Variants in ZCCHC24 observed in about 807,000 individuals in gnomAD.
The protein encoded by ZCCHC24 is zinc finger CCHC-type containing 24.
Under a neutral mutation model 26.2 loss-of-function variants are expected in ZCCHC24, and 10 were observed. That is an observed-to-expected ratio of 0.38 (90% CI 0.24 to 0.65). ZCCHC24 has a LOEUF of 0.65. ZCCHC24 is among the 30% of genes least tolerant of loss of function. The probability of loss-of-function intolerance (pLI) is 0.54; values close to 1 mark genes in which losing one functional copy is unlikely to be tolerated. For synonymous variants in ZCCHC24, 144 were observed against 147.1 expected, an observed-to-expected ratio of 0.98 and a Z score of 0.15; for missense variants, 243 against 329.1, an observed-to-expected ratio of 0.74 and a Z score of 2.03.
intron 2 of ZCCHC24, among the ~76,000 whole-genome samples, chr10:79,401,583 G>C (rs1856633348): frequency 6.6e-6 from 1 of 152,200 alleles, no homozygotes; most frequent in African/African-American, 2.4e-5. Flanking sequence ...GTGAGAAACG[G>C]GAAGGGGCCG....
At chr10:79,410,119 G>A (rs1417974402) in intron 2 of ZCCHC24, among the ~76,000 whole-genome samples, 1 of 152,176 alleles carries the variant, frequency 6.6e-6, no homozygotes, top group Non-Finnish European at 1.5e-5. Context: ...TGTTCCCTCT[G>A]CCAGGAATAC....
intron 1 of ZCCHC24, among the ~76,000 whole-genome samples, chr10:79,441,647 C>G (rs184992964): frequency 6.6e-6 from 1 of 152,188 alleles, no homozygotes; most frequent in Non-Finnish European, 1.5e-5. Flanking sequence ...GTTCTCAGGG[C>G]CTTTCCTGTG....
intron 3 of ZCCHC24, among the ~76,000 whole-genome samples, chr10:79,392,230 T>C (rs1365077377): frequency 3.3e-5 from 5 of 152,156 alleles, no homozygotes; most frequent in African/African-American, 4.8e-5. Flanking sequence ...CCAGGCGAGC[T>C]GTGCTGGAGC....
In ZCCHC24 at chr10:79,383,631, C is replaced by CTT. The variant is rs5786398; in HGVS notation, c.*2712_*2713dup. Reference sequence around the variant, plus strand: ...AATCAAACAATTATATTTTTCTTTTCTTTTTTTTTTTTTAAAAAAAGGCCC... The same window carrying CTT: ...AATCAAACAATTATATTTTTCTTTTCTTTTTTTTTTTTTTTAAAAAAAGGCCC... On this transcript the variant is annotated 3_prime_UTR_variant, in exon 4 of 4. Transcript: ENST00000372336. 228 of 144,364 alleles carry CTT rather than the reference C, an allele frequency of 1.6e-3. No homozygotes were observed. The highest frequency in any genetic ancestry group is 2.1e-3 in the Non-Finnish European group (140 of 65,720). The allele number at this position is 144,364 out of a possible 1,614,324, so 8.9% of individuals were successfully genotyped here. A position where few individuals can be genotyped will look rare whatever the true frequency, so the allele number is the denominator to read the frequency against.
chr10:79,425,750 G>A (rs12245588), intron 2 of ZCCHC24, among the ~76,000 whole-genome samples: 1,656 of 152,308 alleles, frequency 0.011, 27 homozygotes, highest in African/African-American at 0.038. Flanking sequence ...GCTAAACCCA[G>A]TGGTAAACTC....
intron 1 of ZCCHC24, among the ~76,000 whole-genome samples, chr10:79,442,142 T>C (rs1189851505): frequency 2.6e-5 from 4 of 152,202 alleles, no homozygotes; most frequent in Admixed American, 2.6e-4. Flanking sequence ...TCCAAAAATG[T>C]ATCGTTGTTG....
At chr10:79,409,871 G>A (rs972666175) in intron 2 of ZCCHC24, among the ~76,000 whole-genome samples, 20 of 152,214 alleles carry the variant, frequency 1.3e-4, no homozygotes, top group African/African-American at 3.1e-4. Context: ...GGGGGAGGAC[G>A]GGGGCTCTCA....
intron 2 of ZCCHC24, among the ~76,000 whole-genome samples, chr10:79,400,361 G>A (rs1040403021): frequency 2.6e-5 from 4 of 152,160 alleles, no homozygotes; most frequent in South Asian, 2.1e-4. Flanking sequence ...CCTAAATTAC[G>A]TTATACCCTT....
intron 3 of ZCCHC24, among the ~76,000 whole-genome samples, chr10:79,388,986 G>A (rs578166714): frequency 1.5e-4 from 23 of 152,146 alleles, no homozygotes; most frequent in South Asian, 1.2e-3. Context: ...ACTGCCTACC[G>A]CCTGCAGCTG....
At chr10:79,417,999 C>A (rs549231293) in intron 2 of ZCCHC24, among the ~76,000 whole-genome samples, 33 of 152,296 alleles carry the variant, frequency 2.2e-4, no homozygotes, top group African/African-American at 7.5e-4. Flanking sequence ...CAGGAGGCAC[C>A]CAACACAGGC....
At chr10:79,416,826 A>G (rs1389347650) in intron 2 of ZCCHC24, among the ~76,000 whole-genome samples, 2 of 152,200 alleles carry the variant, frequency 1.3e-5, no homozygotes, top group Admixed American at 1.3e-4. Flanking sequence ...AAGAGTGTCC[A>G]GCACAAGGGC....
rs556761814 is a variant in ZCCHC24 at position 79,416,681 on chromosome 10, CT to C, written c.447+15876del. Among the ~76,000 whole-genome samples, 456 of 152,204 alleles carry C rather than the reference CT, an allele frequency of 3.0e-3. 2 individuals carry two copies. The highest frequency in any genetic ancestry group is 4.4e-3 in the Non-Finnish European group (296 of 68,014). On this transcript the variant is annotated intron_variant, in intron 2 of 3. Coordinates refer to ENST00000372336, the MANE Select transcript of ZCCHC24 (RefSeq NM_153367.4). Reference sequence around the variant, plus strand: ...CATCCTGAGTCTTGTTCATTTCTTCCTTTTTTTGCACATATTTATGACAGCA... The same window carrying C: ...CATCCTGAGTCTTGTTCATTTCTTCCTTTTTTGCACATATTTATGACAGCA...
chr10:79,418,468 G>T (rs1435687686), intron 2 of ZCCHC24, among the ~76,000 whole-genome samples: 2 of 152,206 alleles, frequency 1.3e-5, no homozygotes, highest in African/African-American at 2.4e-5. Context: ...GTAGGAGACA[G>T]ACTTGTGCCA....
intron 2 of ZCCHC24, among the ~76,000 whole-genome samples, chr10:79,399,796 T>G (rs1610176): frequency 0.82 from 124,759 of 152,260 alleles, 51,286 homozygotes; most frequent in East Asian, 0.92. Flanking sequence ...GCCAGCGGCT[T>G]CGGAAGAGAT....
At chr10:79,421,468 TTTCCTTTC>T (rs1265025268) in intron 2 of ZCCHC24, among the ~76,000 whole-genome samples, 22 of 48,316 alleles carry the variant, frequency 4.6e-4, no homozygotes, top group African/African-American at 1.0e-3. Flanking sequence ...CCCTCCCTTC[TTTCCTTTC>T]TTCCTTTCTT....
chr10:79,396,137 G>A (rs1168860085), intron 2 of ZCCHC24, among the ~76,000 whole-genome samples: 1 of 152,160 alleles, frequency 6.6e-6, no homozygotes, highest in Non-Finnish European at 1.5e-5. Context: ...GCTTCACTTA[G>A]TGTCATGTTT....
chr10:79,421,405 C>T (rs995680324), intron 2 of ZCCHC24, among the ~76,000 whole-genome samples: 8 of 151,802 alleles, frequency 5.3e-5, no homozygotes, highest in African/African-American at 1.9e-4. Flanking sequence ...CAGAATGATG[C>T]TGTCTGTCCT....
At chr10:79,425,295 T>C (rs1280924339) in intron 2 of ZCCHC24, among the ~76,000 whole-genome samples, 1 of 152,188 alleles carries the variant, frequency 6.6e-6, no homozygotes, top group Non-Finnish European at 1.5e-5. Context: ...CTGGGTTTTC[T>C]GTTGCCACCA....
At chr10:79,412,971 G>A (rs1446661881) in intron 2 of ZCCHC24, among the ~76,000 whole-genome samples, 5 of 152,132 alleles carry the variant, frequency 3.3e-5, no homozygotes, top group Non-Finnish European at 4.4e-5. Context: ...TAAATCTCAG[G>A]TGTCCAAGGC....
Sources: allele counts gnomAD v4.1 joint callset (sites outside exome capture counted in the v4.1 genomes callset), GRCh38; gene constraint gnomAD v4.1.1; transcripts MANE v1.5; gene names NCBI Gene and HGNC (gene_info 2026-07-23, HGNC 2026-07-21).